Variants in LRRC37A3 observed in about 807,000 individuals in gnomAD.
LRRC37A3 encodes the protein leucine-rich repeat-containing protein 37A3.
In LRRC37A3, 25 loss-of-function variants were observed where a neutral mutation model predicts 106.2. The ratio of observed to expected loss-of-function variants is 0.24; its 90% confidence interval spans 0.17 to 0.33. LRRC37A3 has a LOEUF of 0.33. LRRC37A3 is among the 10% of genes least tolerant of loss of function. The pLI, the probability that LRRC37A3 is intolerant of heterozygous loss-of-function variation, is 1.00. For missense variants in LRRC37A3, 712 were observed against 1,644.9 expected (o/e 0.43, Z 9.81); for synonymous variants, 305 against 635.8 (o/e 0.48, Z 7.83).
chr17:64,918,093 T>G (rs1428302121), intron 2 of LRRC37A3, among the ~76,000 whole-genome samples: 1 of 148,896 alleles, frequency 6.7e-6, no homozygotes, highest in Non-Finnish European at 1.5e-5. Flanking sequence ...TATACACTAC[T>G]GTAATTAATA....
intron 8 of LRRC37A3, among the ~76,000 whole-genome samples, chr17:64,880,094 CA>C (rs1193957093): frequency 6.6e-6 from 1 of 151,682 alleles, no homozygotes; most frequent in African/African-American, 2.4e-5. Context: ...AGGATCTTTG[CA>C]TTTGTCCCTA....
chr17:64,869,542 T>A (rs1356026828), intron 8 of LRRC37A3, among the ~76,000 whole-genome samples: 4 of 149,304 alleles, frequency 2.7e-5, no homozygotes, highest in Non-Finnish European at 4.5e-5. Flanking sequence ...ATTTTTTTTT[T>A]TTTTTTTTTT....
intron 8 of LRRC37A3, among the ~76,000 whole-genome samples, chr17:64,873,441 C>A (rs1351189653): frequency 6.6e-6 from 1 of 152,172 alleles, no homozygotes; most frequent in Non-Finnish European, 1.5e-5. Flanking sequence ...GTTATAGGCA[C>A]AAGCCACCAT....
rs1169333929 is a variant in LRRC37A3 at position 64,871,509 on chromosome 17, C to T, written c.2907-2343G>A. The T allele has an allele frequency of 2.0e-5, 3 of 151,882 alleles. No individual in the cohort carries two copies. In the East Asian group the frequency reaches 5.8e-4, roughly 29 times the overall value. The allele number at this position is 151,882 out of a possible 1,614,324, so 9.4% of individuals were successfully genotyped here. ...TTTTTAAGAGACACATTCTCACTCA[C>T]TGTGTTGCCCAGGCTGGAGAGCAGT... is the stretch of plus-strand genomic sequence containing the variant. On this transcript the variant is annotated intron_variant, in intron 8 of 14. Coordinates refer to ENST00000584306, the MANE Select transcript of LRRC37A3 (RefSeq NM_199340.5).
Position 64,860,491 on chromosome 17 carries a change from T to G in LRRC37A3, c.3655A>C (p.Thr1219Pro). 6.2e-7 allele frequency: 1 copy of G among 1,613,388 alleles called. No homozygotes were observed. Among genetic ancestry groups the G allele is most frequent in the Admixed American group, 1.7e-5 (1 of 60,020 alleles). Residue 1219 changes from threonine (T) to proline (P), a missense_variant, in exon 12 of 15, where the codon ACA becomes CCA. Thr to Pro is a conservative substitution (Grantham distance 38). Transcript: ENST00000584306. ...GCTAACTTCTCAGGCCCCTGCTGTGTGTGAGGCTGTTTCAGCTCCCTTGGG... is the reference window on the plus strand; with the variant it reads ...GCTAACTTCTCAGGCCCCTGCTGTGGGTGAGGCTGTTTCAGCTCCCTTGGG... ...PAPRELKQPH[T>P]QQGPEKLAGN...
Position 64,919,441 on chromosome 17 carries a change from C to G in LRRC37A3, c.-627G>C. On this transcript the variant is annotated 5_prime_UTR_variant, in exon 1 of 15. Coordinates refer to ENST00000584306, the MANE Select transcript of LRRC37A3 (RefSeq NM_199340.5). ...TGGCTGGGGCCTCACTGCGGATCGCCTTCAGCCGCCATCTTGTTTCTTCCG... is the reference window on the plus strand; with the variant it reads ...TGGCTGGGGCCTCACTGCGGATCGCGTTCAGCCGCCATCTTGTTTCTTCCG... 1 of 477,912 alleles carries G rather than the reference C, an allele frequency of 2.1e-6. No homozygotes were observed. Among genetic ancestry groups the G allele is most frequent in the Non-Finnish European group, 3.7e-6 (1 of 268,964 alleles). The allele number at this position is 477,912 out of a possible 1,614,324, so 29.6% of individuals were successfully genotyped here.
intron 8 of LRRC37A3, chr17:64,881,021 T>C: frequency 3.0e-6 from 2 of 662,104 alleles, no homozygotes; most frequent in Non-Finnish European, 5.4e-6. Flanking sequence ...TGGAAGAAGG[T>C]AGTCAAAGAA....
chr17:64,858,590 G>A (rs1000697095), intron 13 of LRRC37A3, among the ~76,000 whole-genome samples, 189 bp downstream of exon 13: 1 of 152,172 alleles, frequency 6.6e-6, no homozygotes, highest in East Asian at 1.9e-4. Context: ...ATCTGGAAGC[G>A]AGGATCCTTT....
At chr17:64,872,249 T>G (rs1315642637) in intron 8 of LRRC37A3, among the ~76,000 whole-genome samples, 1 of 151,322 alleles carries the variant, frequency 6.6e-6, no homozygotes, top group Non-Finnish European at 1.5e-5. Context: ...GAATAAACTT[T>G]TTCAGAACTC....
Position 64,860,114 on chromosome 17 carries a change from G to A in LRRC37A3, c.4032C>T (p.Phe1344=). ...AATTTATGAGGCTCTTCGCTGCAGA[G>A]AACGGAAGCCTGTTTGAGAGCATCA... ...SRLMLSNRLP[F]SAAKSLINSP... is the part of the protein sequence containing the mutation. Residue 1344 remains phenylalanine (F), a synonymous_variant, in exon 12 of 15, where the codon TTC becomes TTT. Transcript: ENST00000584306. 1 of 1,614,010 alleles carries A rather than the reference G, an allele frequency of 6.2e-7. No homozygotes were observed. The highest frequency in any genetic ancestry group is 8.5e-7 in the Non-Finnish European group (1 of 1,179,882).
intron 8 of LRRC37A3, among the ~76,000 whole-genome samples, chr17:64,879,807 G>A (rs1973634893): frequency 6.6e-6 from 1 of 151,980 alleles, no homozygotes; most frequent in South Asian, 2.1e-4. Flanking sequence ...TCTCAAGCCT[G>A]TAATCTCAGC....
chr17:64,870,149 G>GGC (rs1973265509), intron 8 of LRRC37A3, among the ~76,000 whole-genome samples: 1 of 148,340 alleles, frequency 6.7e-6, no homozygotes, highest in Non-Finnish European at 1.5e-5. Flanking sequence ...GGAGTGCAGT[G>GGC]GCGCAATCTT....
chr17:64,858,802 T>C lies in LRRC37A3; in HGVS notation c.4786A>G (p.Ile1596Val). Reference protein sequence around the residue: ...LIVTGILTILIILLCLIEICC... With the variant: ...LIVTGILTILVILLCLIEICC... ...ACCTCAATGAGGCAGAGAAGTATAA[T>C]CAAAATCGTTAGTATTCCAGTCACA... Residue 1596 changes from isoleucine to valine, a missense_variant, in exon 13 of 15, where the codon ATT becomes GTT. Ile to Val is a conservative substitution (Grantham distance 29, BLOSUM62 3). Transcript: ENST00000584306. 6.2e-7 allele frequency: 1 copy of C among 1,612,298 alleles called. No individual in the cohort carries two copies. The highest frequency in any genetic ancestry group is 2.2e-5 in the East Asian group (1 of 44,840).
chr17:64,878,955 T>G (rs1328270722), intron 8 of LRRC37A3, among the ~76,000 whole-genome samples: 1 of 152,220 alleles, frequency 6.6e-6, no homozygotes, highest in Non-Finnish European at 1.5e-5. Context: ...ATGGATGAAC[T>G]GATATAGTGA....
intron 2 of LRRC37A3, among the ~76,000 whole-genome samples, chr17:64,908,708 C>G (rs1431832463): frequency 8.6e-6 from 1 of 115,914 alleles, no homozygotes; most frequent in Non-Finnish European, 1.7e-5. Context: ...ACCCGGGAGG[C>G]GGAGGTTGCA....
chr17:64,877,943 G>A (rs1973570688), intron 8 of LRRC37A3, among the ~76,000 whole-genome samples: 1 of 151,924 alleles, frequency 6.6e-6, no homozygotes, highest in Admixed American at 6.6e-5. Context: ...TGGAACAACT[G>A]AACATCTATG....
At chr17:64,919,197 G>C (rs926375300) in intron 1 of LRRC37A3, among the ~76,000 whole-genome samples, 1 of 151,944 alleles carries the variant, frequency 6.6e-6, no homozygotes, top group African/African-American at 2.4e-5. Flanking sequence ...CGGGGCCGGG[G>C]CGCAGCGCTC....
intron 10 of LRRC37A3, among the ~76,000 whole-genome samples, chr17:64,864,151 T>C (rs921585246): frequency 3.9e-5 from 6 of 152,176 alleles, no homozygotes; most frequent in African/African-American, 1.2e-4. Context: ...TGGAGAGATC[T>C]GGAAGATCAC....
At chr17:64,867,443 G>A (rs57282217) in intron 10 of LRRC37A3, among the ~76,000 whole-genome samples, 115 of 152,202 alleles carry the variant, frequency 7.6e-4, no homozygotes, top group East Asian at 3.9e-3. Context: ...CAGTTGTCCC[G>A]CAGTGTCTGC....
Sources: gnomAD v4.1 joint callset for allele counts (sites outside exome capture counted in the v4.1 genomes callset) on GRCh38, gnomAD v4.1.1 for gene constraint, MANE v1.5 for transcripts, NCBI Gene and HGNC (gene_info 2026-07-23, HGNC 2026-07-21) for gene names.